The following TM4SF4 variants were observed in gnomAD, a reference collection of about 807,000 sequenced individuals.
The protein encoded by TM4SF4 is transmembrane 4 L6 family member 4.
In TM4SF4, 24 loss-of-function variants were observed where a neutral mutation model predicts 24.1. The ratio of observed to expected loss-of-function variants is 1.00; its 90% CI spans 0.72 to 1.40. TM4SF4 has a LOEUF of 1.40. TM4SF4 is among the 40% of genes most tolerant of loss of function. TM4SF4 has a pLI of 0.00. For missense variants in TM4SF4, 254 were observed against 254.2 expected (o/e 1.00, Z 0.01); for synonymous variants, 113 against 97.0 (o/e 1.17, Z -0.97).
chr3:149,502,892 C>T lies in TM4SF4; in HGVS notation c.*199C>T, dbSNP rs955245311. Reference sequence around the variant, plus strand: ...TTTCAAATAAAAAATAGTTTGGCCACTTAACAAATTTGATTTATAAATCTT... The same window carrying T: ...TTTCAAATAAAAAATAGTTTGGCCATTTAACAAATTTGATTTATAAATCTT... On this transcript the variant is annotated 3_prime_UTR_variant, in exon 5 of 5. Coordinates refer to ENST00000305354, the MANE Select transcript of TM4SF4 (RefSeq NM_004617.4). The T allele has an allele frequency of 2.1e-6, 1 of 476,340 alleles. No homozygotes were observed. The highest frequency in any genetic ancestry group is 2.0e-5 in the African/African-American group (1 of 50,584). The allele number at this position is 476,340 out of a possible 1,614,324, so 29.5% of individuals were successfully genotyped here. A position where few individuals can be genotyped will look rare whatever the true frequency, so the allele number is the denominator to read the frequency against.
intron 4 of TM4SF4, among the ~76,000 whole-genome samples, chr3:149,500,625 A>G (rs1734400362): frequency 6.6e-6 from 1 of 152,208 alleles, no homozygotes; most frequent in Non-Finnish European, 1.5e-5. Flanking sequence ...TCCAAAGTGA[A>G]TGAATGTTTG....
intron 2 of TM4SF4, among the ~76,000 whole-genome samples, chr3:149,482,819 C>T (rs1317902730): frequency 6.6e-6 from 1 of 152,222 alleles, no homozygotes; most frequent in Non-Finnish European, 1.5e-5. Context: ...GCTGGGATTA[C>T]AGGCATGAGC....
intron 2 of TM4SF4, among the ~76,000 whole-genome samples, chr3:149,484,845 C>A (rs892724207): frequency 2.6e-5 from 4 of 152,176 alleles, no homozygotes; most frequent in Middle Eastern, 3.2e-3. Context: ...AGCCACCACG[C>A]TAGGCCTAGA....
intron 4 of TM4SF4, among the ~76,000 whole-genome samples, chr3:149,500,463 T>C (rs1734397003): frequency 6.6e-6 from 1 of 152,186 alleles, no homozygotes; most frequent in Non-Finnish European, 1.5e-5. Context: ...ATTGCATTTT[T>C]ATTCTACAAA....
At chr3:149,483,808 T>A (rs1346550365) in intron 2 of TM4SF4, among the ~76,000 whole-genome samples, 1 of 152,262 alleles carries the variant, frequency 6.6e-6, no homozygotes, top group East Asian at 1.9e-4. Flanking sequence ...TGAGACAGAG[T>A]CTCACTCTGT....
chr3:149,489,963 C>A (rs773958021), intron 3 of TM4SF4, among the ~76,000 whole-genome samples: 2 of 151,964 alleles, frequency 1.3e-5, no homozygotes, highest in African/African-American at 4.8e-5. Context: ...ATCTGTACAG[C>A]TGCTTCAAAC....
In TM4SF4 at chr3:149,487,655, T is replaced by C; in HGVS notation, c.301T>C (p.Leu101=). The C allele has an allele frequency of 2.5e-6, 4 of 1,614,044 alleles. No individual in the cohort carries two copies. Among genetic ancestry groups the C allele is most frequent in the Non-Finnish European group, 3.4e-6 (4 of 1,179,890 alleles). Residue 101 remains leucine (L), a synonymous_variant, in exon 3 of 5, where the codon TTG becomes CTG. Coordinates refer to ENST00000305354, the MANE Select transcript of TM4SF4 (RefSeq NM_004617.4). Reference sequence around the variant, plus strand: ...CACGATATTTGCTGTGGTTGGATTCTTGGGAGCTGGATACTCGTTTATCAT... The same window carrying C: ...CACGATATTTGCTGTGGTTGGATTCCTGGGAGCTGGATACTCGTTTATCAT... The part of the protein sequence containing the change: ...TSTIFAVVGF[L]GAGYSFIISA...
intron 3 of TM4SF4, among the ~76,000 whole-genome samples, chr3:149,498,498 G>A (rs1174549998): frequency 6.6e-6 from 1 of 152,180 alleles, no homozygotes; most frequent in Non-Finnish European, 1.5e-5. Context: ...GGGAATAAAT[G>A]AGTGAATATG....
At chr3:149,482,717 T>A (rs1560029801) in intron 2 of TM4SF4, among the ~76,000 whole-genome samples, 1 of 152,276 alleles carries the variant, frequency 6.6e-6, no homozygotes, top group South Asian at 2.1e-4. Flanking sequence ...CTAATTTTTG[T>A]ATTTCTTGTA....
intron 2 of TM4SF4, among the ~76,000 whole-genome samples, chr3:149,484,526 G>C (rs1200865769): frequency 6.6e-6 from 1 of 151,728 alleles, no homozygotes; most frequent in Non-Finnish European, 1.5e-5. Context: ...TGGGATTACA[G>C]GCATGGGCCA....
At position 149,503,312 on chromosome 3, in the gene TM4SF4, G is replaced by A. The variant is rs979359313; in HGVS notation, c.*619G>A. On this transcript the variant is annotated 3_prime_UTR_variant, in exon 5 of 5. Coordinates refer to ENST00000305354, the MANE Select transcript of TM4SF4 (RefSeq NM_004617.4). ...AGATTGTGTGTGTTTTAGGAGGGGG[G>A]ACAAAACGTTGAATGAATAACAACT... The A allele has an allele frequency of 2.0e-5, 3 of 151,994 alleles. No individual in the cohort carries two copies. The highest frequency in any genetic ancestry group is 4.4e-5 in the Non-Finnish European group (3 of 67,988). The allele number at this position is 151,994 out of a possible 1,614,324, so 9.4% of individuals were successfully genotyped here.
rs114009272 is a variant in TM4SF4 at position 149,486,937 on chromosome 3, G to A, written c.265-682G>A. Among the ~76,000 whole-genome samples, 398 of 152,270 alleles carry A rather than the reference G, an allele frequency of 2.6e-3. 2 individuals carry two copies. The highest frequency in any genetic ancestry group is 9.2e-3 in the African/African-American group (384 of 41,548). The stretch of plus-strand genomic sequence containing the variant: ...GACATCACAGTGACTGGCCTTAGCA[G>A]GATAATTTGACCAGAAAACTTAAGA... On this transcript the variant is annotated intron_variant, in intron 2 of 4. Coordinates refer to ENST00000305354, the MANE Select transcript of TM4SF4 (RefSeq NM_004617.4).
At chr3:149,482,577 T>C (rs1734052685) in intron 2 of TM4SF4, among the ~76,000 whole-genome samples, 1 of 152,192 alleles carries the variant, frequency 6.6e-6, no homozygotes, top group Non-Finnish European at 1.5e-5. Flanking sequence ...AGGGTCTGGC[T>C]CTGTTGCCCA....
intron 3 of TM4SF4, among the ~76,000 whole-genome samples, chr3:149,491,492 A>AAAACC (rs1734209614): frequency 1.3e-5 from 2 of 148,984 alleles, no homozygotes; most frequent in African/African-American, 4.9e-5. Flanking sequence ...AAAACAAAAC[A>AAAACC]AAACAAAAAT....
intron 2 of TM4SF4, among the ~76,000 whole-genome samples, chr3:149,484,707 G>A (rs1734087798): frequency 6.6e-6 from 1 of 152,086 alleles, no homozygotes; most frequent in South Asian, 2.1e-4. Context: ...ATGCACCACT[G>A]TGCCTGGCTA....
At chr3:149,480,994 G>A (rs1345332772) in intron 2 of TM4SF4, among the ~76,000 whole-genome samples, 11 of 152,036 alleles carry the variant, frequency 7.2e-5, no homozygotes, top group Non-Finnish European at 1.5e-5. Flanking sequence ...CCGGGTAGCT[G>A]GGATTACAGG....
chr3:149,476,806 TTG>T (rs1560028137), intron 2 of TM4SF4, among the ~76,000 whole-genome samples: 5 of 55,422 alleles, frequency 9.0e-5, no homozygotes, highest in South Asian at 7.4e-4. Flanking sequence ...TTTTTTGTTT[TTG>T]TTTTTGTTTT....
At chr3:149,501,673 T>G (rs35815132) in intron 4 of TM4SF4, among the ~76,000 whole-genome samples, 57,878 of 152,104 alleles carry the variant, frequency 0.38, 12,939 homozygotes, top group South Asian at 0.52. Context: ...GAGGAAAGAC[T>G]TGGGCTCTCA....
At position 149,487,672 on chromosome 3, in the gene TM4SF4, G is replaced by A. The variant is rs1363616386; in HGVS notation, c.318G>A (p.Ser106=). The change falls in exon 3 of 5, where the codon TCG becomes TCA. Residue 106 remains serine, a synonymous_variant. Coordinates refer to ENST00000305354, the MANE Select transcript of TM4SF4 (RefSeq NM_004617.4). ...AVVGFLGAGY[S]FIISAISINK... ...TTGGATTCTTGGGAGCTGGATACTCGTTTATCATCTCAGCCATTTCAATCA... is the reference window on the plus strand; with the variant it reads ...TTGGATTCTTGGGAGCTGGATACTCATTTATCATCTCAGCCATTTCAATCA... 1.3e-5 allele frequency: 21 copies of A among 1,613,852 alleles called. No homozygotes were observed. The highest frequency in any genetic ancestry group is 3.3e-5 in the Admixed American group (2 of 60,000).
Sources: gnomAD v4.1 joint callset for allele counts (sites outside exome capture counted in the v4.1 genomes callset) on GRCh38, gnomAD v4.1.1 for gene constraint, MANE v1.5 for transcripts, NCBI Gene and HGNC (gene_info 2026-07-23, HGNC 2026-07-21) for gene names.